The following CDIN1 variants were observed in gnomAD, a reference collection of about 807,000 sequenced individuals.
The protein encoded by CDIN1 is CDAN1-interacting nuclease 1.
In CDIN1, 33 loss-of-function variants were observed where a neutral mutation model predicts 45.3. The ratio of observed to expected loss-of-function variants is 0.73; its 90% CI spans 0.55 to 0.97. The LOEUF (loss-of-function observed/expected upper bound fraction) is 0.97, where lower values mean the gene tolerates loss of function less well. Ranked by LOEUF, CDIN1 falls within the 50% of genes least tolerant of loss-of-function variation. The probability of loss-of-function intolerance (pLI) is 0.00; values close to 1 mark genes in which losing one functional copy is unlikely to be tolerated. For synonymous variants in CDIN1, 118 were observed against 124.4 expected (o/e 0.95, Z 0.34); for missense variants, 303 against 339.4 (o/e 0.89, Z 0.84).
intron 1 of CDIN1, among the ~76,000 whole-genome samples, chr15:36,603,431 T>C (rs184778982): frequency 6.6e-6 from 1 of 152,356 alleles, no homozygotes; most frequent in African/African-American, 2.4e-5. Flanking sequence ...GCATTTCTTA[T>C]TTGCTTAGAA....
Position 36,728,471 on chromosome 15 carries a change from A to T in CDIN1, c.716+18510A>T, listed in dbSNP as rs186571838. 1.6e-3 allele frequency among the ~76,000 whole-genome samples: 240 copies of T among 151,898 alleles called. 1 individual carries two copies. The highest frequency in any genetic ancestry group is 2.5e-3 in the South Asian group (12 of 4,808). On this transcript the variant is annotated intron_variant, in intron 10 of 10. Coordinates refer to ENST00000566621, the MANE Select transcript of CDIN1 (RefSeq NM_001321759.2). ...ATTGGATTTCTATTAGCCAGCCCTGATGATAGCTCTTCATCAGAGGAATGG... is the reference window on the plus strand; with the variant it reads ...ATTGGATTTCTATTAGCCAGCCCTGTTGATAGCTCTTCATCAGAGGAATGG...
intron 5 of CDIN1, among the ~76,000 whole-genome samples, chr15:36,666,150 A>T (rs1310053889): frequency 6.6e-6 from 1 of 152,212 alleles, no homozygotes; most frequent in African/African-American, 2.4e-5. Flanking sequence ...TCTTTTAAAA[A>T]AAATCAGGTA....
chr15:36,781,324 G>T (rs1431179112), intron 10 of CDIN1, among the ~76,000 whole-genome samples: 2 of 152,248 alleles, frequency 1.3e-5, no homozygotes, highest in Non-Finnish European at 2.9e-5. Flanking sequence ...AGATATTAGG[G>T]CTAAGCAAGA....
chr15:36,649,927 A>C (rs973404732), intron 3 of CDIN1, among the ~76,000 whole-genome samples: 1 of 152,204 alleles, frequency 6.6e-6, no homozygotes, highest in Non-Finnish European at 1.5e-5. Context: ...AGCATTGTAA[A>C]TGGGGCATAA....
chr15:36,614,057 CAAG>C, intron 1 of CDIN1: 1 of 1,055,940 alleles, frequency 9.5e-7, no homozygotes, highest in Non-Finnish European at 1.5e-6. Context: ...CTGATAAACT[CAAG>C]GAGAGACCTG....
At chr15:36,772,566 A>G (rs2054105856) in intron 10 of CDIN1, among the ~76,000 whole-genome samples, 1 of 152,176 alleles carries the variant, frequency 6.6e-6, no homozygotes, top group African/African-American at 2.4e-5. Flanking sequence ...TGGTTTGACT[A>G]TGCTGGCAGG....
intron 10 of CDIN1, among the ~76,000 whole-genome samples, chr15:36,781,434 G>T (rs899710799): frequency 6.6e-6 from 1 of 152,182 alleles, no homozygotes; most frequent in African/African-American, 2.4e-5. Context: ...GCCAATTACA[G>T]TCAGGGTCAC....
chr15:36,705,563 A>G (rs747179012), intron 8 of CDIN1: 2 of 152,160 alleles, frequency 1.3e-5, no homozygotes, highest in African/African-American at 2.4e-5. Context: ...TATATTGTGT[A>G]TAAATTGGAA....
intron 10 of CDIN1, among the ~76,000 whole-genome samples, chr15:36,766,650 G>A (rs1249912684): frequency 3.3e-5 from 5 of 152,190 alleles, no homozygotes; most frequent in African/African-American, 7.2e-5. Context: ...TGGTTTTGAC[G>A]TGCAATTTTC....
intron 10 of CDIN1, among the ~76,000 whole-genome samples, chr15:36,718,357 A>T (rs1391929568): frequency 6.6e-6 from 1 of 152,092 alleles, no homozygotes; most frequent in Non-Finnish European, 1.5e-5. Flanking sequence ...TTTTTACCAT[A>T]TGAATTTTAG....
intron 10 of CDIN1, among the ~76,000 whole-genome samples, chr15:36,732,785 A>T (rs1207057852): frequency 6.6e-6 from 1 of 152,080 alleles, no homozygotes; most frequent in African/African-American, 2.4e-5. Flanking sequence ...ATAAAATTAT[A>T]ACATCCTATA....
At chr15:36,737,029 G>T (rs551137570) in intron 10 of CDIN1, among the ~76,000 whole-genome samples, 2 of 151,846 alleles carry the variant, frequency 1.3e-5, no homozygotes, top group Non-Finnish European at 2.9e-5. Flanking sequence ...TTAGCCAGGC[G>T]TGGTGGCACA....
At chr15:36,662,304 A>G (rs1242039305) in intron 5 of CDIN1, among the ~76,000 whole-genome samples, 2 of 152,228 alleles carry the variant, frequency 1.3e-5, no homozygotes, top group East Asian at 3.9e-4. Flanking sequence ...GCTTTTCAAC[A>G]TAATGTGTAT....
At chr15:36,694,098 T>C (rs60712728) in intron 7 of CDIN1, among the ~76,000 whole-genome samples, 4,285 of 152,272 alleles carry the variant, frequency 0.028, 211 homozygotes, top group African/African-American at 0.098. Flanking sequence ...TATGTTTATA[T>C]CAAGCAAAGC....
chr15:36,599,352 G>A (rs1280130417), intron 1 of CDIN1, among the ~76,000 whole-genome samples: 3 of 152,148 alleles, frequency 2.0e-5, no homozygotes, highest in East Asian at 3.8e-4. Context: ...AGTATATGAA[G>A]CAATGGCTGT....
At chr15:36,734,734 GA>G (rs1321932352) in intron 10 of CDIN1, among the ~76,000 whole-genome samples, 1 of 152,140 alleles carries the variant, frequency 6.6e-6, no homozygotes, top group African/African-American at 2.4e-5. Flanking sequence ...ATCAATCTCA[GA>G]AGGTTGTGTT....
chr15:36,685,306 C>T lies in CDIN1; in HGVS notation c.347-6379C>T, dbSNP rs559493227. 2.6e-4 allele frequency among the ~76,000 whole-genome samples: 40 copies of T among 152,066 alleles called. 1 individual carries two copies. The highest frequency in any genetic ancestry group is 1.5e-3 in the South Asian group (7 of 4,804). On this transcript the variant is annotated intron_variant, in intron 5 of 10. Transcript: ENST00000566621. Reference sequence around the variant, plus strand: ...CTTTGTTCTCGTTGGTTTCAAAGAACGTCTTTATTTCTGCCTTCATTTCGT... The same window carrying T: ...CTTTGTTCTCGTTGGTTTCAAAGAATGTCTTTATTTCTGCCTTCATTTCGT...
intron 10 of CDIN1, among the ~76,000 whole-genome samples, chr15:36,753,155 G>A (rs1386169595): frequency 6.6e-6 from 1 of 152,128 alleles, no homozygotes; most frequent in Non-Finnish European, 1.5e-5. Context: ...GAGGGGTAAA[G>A]AATTTCAGCA....
Position 36,808,612 on chromosome 15 carries a change from A to G in CDIN1, c.*159A>G, listed in dbSNP as rs1702114727. ...TACCTCTTTAGACAAACATATCAAG[A>G]GTTTCTGTTTTCCTTCATCCCTTGC... is the stretch of plus-strand genomic sequence containing the variant. On this transcript the variant is annotated 3_prime_UTR_variant, in exon 11 of 11. Transcript: ENST00000566621. 4 of 1,002,918 alleles carry G rather than the reference A, an allele frequency of 4.0e-6. No individual in the cohort carries two copies. The South Asian group carries it at 5.0e-5, about 12-fold the overall frequency. 62.1% of individuals were successfully genotyped at this position (1,002,918 alleles called of 1,614,324 possible).
Sources: gnomAD v4.1 joint callset for allele counts (sites outside exome capture counted in the v4.1 genomes callset) on GRCh38, gnomAD v4.1.1 for gene constraint, MANE v1.5 for transcripts, NCBI Gene and HGNC (gene_info 2026-07-23, HGNC 2026-07-21) for gene names.